Variants in TCF4 observed in about 807,000 individuals in gnomAD.
The protein encoded by TCF4 is SL3-3 enhancer factor 2.
In TCF4, 3 loss-of-function variants were observed where a neutral mutation model predicts 82.1. That is an observed-to-expected ratio of 0.04 (90% CI 0.02 to 0.09). TCF4 has a LOEUF of 0.09. Among genes scored for constraint, TCF4 ranks in the 10% least tolerant of loss-of-function variants. The pLI is 1.00. For missense variants in TCF4, 518 were observed against 852.7 expected (o/e 0.61, Z 4.89); for synonymous variants, 276 against 309.6 (o/e 0.89, Z 1.14).
chr18:55,243,641 C>CAGAA (rs1163852699), intron 15 of TCF4, among the ~76,000 whole-genome samples: 1 of 152,026 alleles, frequency 6.6e-6, no homozygotes, highest in East Asian at 1.9e-4. Flanking sequence ...GAGTACTAGG[C>CAGAA]AGTTTCCCCA....
intron 5 of TCF4, among the ~76,000 whole-genome samples, chr18:55,432,346 G>T (rs1330637590): frequency 6.6e-6 from 1 of 152,052 alleles, no homozygotes; most frequent in African/African-American, 2.4e-5. Context: ...CCTTTGCAGC[G>T]CTGAACAGAG....
intron 3 of TCF4, among the ~76,000 whole-genome samples, chr18:55,529,319 A>G (rs183052604): frequency 1.1e-3 from 169 of 152,342 alleles, no homozygotes; most frequent in African/African-American, 3.9e-3. Context: ...GGAAAGCTAC[A>G]GTTTAGATTT....
At chr18:55,432,499 C>T (rs1267620186) in intron 5 of TCF4, among the ~76,000 whole-genome samples, 1 of 152,076 alleles carries the variant, frequency 6.6e-6, no homozygotes, top group Non-Finnish European at 1.5e-5. Context: ...TTGTTATCTC[C>T]ATCCCACACA....
chr18:55,236,504 T>C (rs949661063), intron 15 of TCF4, among the ~76,000 whole-genome samples: 1 of 152,086 alleles, frequency 6.6e-6, no homozygotes, highest in Non-Finnish European at 1.5e-5. Flanking sequence ...ACACCACTCC[T>C]TTCCTCTGTG....
intron 8 of TCF4, among the ~76,000 whole-genome samples, chr18:55,295,496 CTG>C (rs2066262565): frequency 6.6e-6 from 1 of 152,198 alleles, no homozygotes; most frequent in African/African-American, 2.4e-5. Context: ...ACATCTGACA[CTG>C]TTGACAATTT....
At chr18:55,333,907 G>T (rs1217407609) in intron 8 of TCF4, among the ~76,000 whole-genome samples, 1 of 152,138 alleles carries the variant, frequency 6.6e-6, no homozygotes, top group Non-Finnish European at 1.5e-5. Flanking sequence ...ACTTTGCCCT[G>T]AGTTCACAAA....
intron 3 of TCF4, among the ~76,000 whole-genome samples, chr18:55,506,070 TG>T (rs1202267937): frequency 6.6e-6 from 1 of 152,162 alleles, no homozygotes; most frequent in African/African-American, 2.4e-5. Flanking sequence ...ATCTCTGAAA[TG>T]GAGTGAATTC....
intron 15 of TCF4, among the ~76,000 whole-genome samples, chr18:55,243,801 A>C (rs2052139122): frequency 6.6e-6 from 1 of 152,156 alleles, no homozygotes; most frequent in Non-Finnish European, 1.5e-5. Flanking sequence ...AACAGGTAAT[A>C]GACCAAACGG....
rs2046373293 is a variant in TCF4 at position 55,224,782 on chromosome 18, A to G, written c.*3253T>C. 2 of 152,602 alleles carry G rather than the reference A, an allele frequency of 1.3e-5. No individual in the cohort carries two copies. The highest frequency in any genetic ancestry group is 6.5e-5 in the Admixed American group (1 of 15,276). 9.5% of individuals were successfully genotyped at this position (152,602 alleles called of 1,614,324 possible). ...GCTACACAGAAGACAAATGGTAAAAATTTCTAGATGAACAGATCCCTATTC... is the reference window on the plus strand; with the variant it reads ...GCTACACAGAAGACAAATGGTAAAAGTTTCTAGATGAACAGATCCCTATTC... On this transcript the variant is annotated 3_prime_UTR_variant, in exon 20 of 20. Coordinates refer to ENST00000354452, the MANE Select transcript of TCF4 (RefSeq NM_001083962.2).
At chr18:55,488,668 G>A (rs2096543602) in intron 3 of TCF4, among the ~76,000 whole-genome samples, 1 of 152,158 alleles carries the variant, frequency 6.6e-6, no homozygotes, top group South Asian at 2.1e-4. Context: ...GGACAGGAAG[G>A]AGAAAGCAAA....
chr18:55,250,825 T>G (rs1286793939), intron 15 of TCF4, among the ~76,000 whole-genome samples: 1 of 152,206 alleles, frequency 6.6e-6, no homozygotes, highest in African/African-American at 2.4e-5. Context: ...CAGAGTCATA[T>G]CTATAAAAGA....
chr18:55,250,244 G>A (rs1172847168), intron 15 of TCF4, among the ~76,000 whole-genome samples: 1 of 152,186 alleles, frequency 6.6e-6, no homozygotes, highest in African/African-American at 2.4e-5. Context: ...GCGCAAACAT[G>A]TTGGTTTAAG....
At chr18:55,357,722 T>C (rs951423104) in intron 6 of TCF4, among the ~76,000 whole-genome samples, 2 of 152,168 alleles carry the variant, frequency 1.3e-5, no homozygotes, top group Non-Finnish European at 1.5e-5. Flanking sequence ...TGAGCAACGA[T>C]ATATGACAGC....
intron 15 of TCF4, among the ~76,000 whole-genome samples, chr18:55,238,920 T>G (rs747451663): frequency 7.2e-5 from 11 of 152,192 alleles, no homozygotes; most frequent in Non-Finnish European, 1.5e-4. Flanking sequence ...TGGGCCACCT[T>G]AATGACAGGC....
intron 8 of TCF4, among the ~76,000 whole-genome samples, chr18:55,310,486 A>C (rs1305371375): frequency 6.6e-6 from 1 of 152,144 alleles, no homozygotes; most frequent in East Asian, 1.9e-4. Context: ...CAGATGTAAG[A>C]CTCAGCCACC....
intron 15 of TCF4, among the ~76,000 whole-genome samples, chr18:55,247,592 C>G (rs2053673555): frequency 6.6e-6 from 1 of 152,196 alleles, no homozygotes; most frequent in Non-Finnish European, 1.5e-5. Flanking sequence ...CCCTAGTCCA[C>G]TTGATCCTTT....
chr18:55,628,549 T>C (rs2097728764), intron 2 of TCF4, among the ~76,000 whole-genome samples: 1 of 152,198 alleles, frequency 6.6e-6, no homozygotes, highest in Non-Finnish European at 1.5e-5. Context: ...TCTTTCATTA[T>C]ACACAGAAAA....
At chr18:55,379,219 G>A (rs765248001) in intron 6 of TCF4, among the ~76,000 whole-genome samples, 16 of 152,146 alleles carry the variant, frequency 1.1e-4, no homozygotes, top group Non-Finnish European at 1.8e-4. Context: ...AGCAGGGGTC[G>A]GGTAGGTGGA....
At chr18:55,343,806 T>C (rs1018703737) in intron 8 of TCF4, among the ~76,000 whole-genome samples, 2 of 152,122 alleles carry the variant, frequency 1.3e-5, no homozygotes, top group Admixed American at 6.6e-5. Flanking sequence ...CCACATTGTA[T>C]AAAAGCTCCT....
Sources: gnomAD v4.1 joint callset for allele counts (sites outside exome capture counted in the v4.1 genomes callset) on GRCh38, gnomAD v4.1.1 for gene constraint, MANE v1.5 for transcripts, NCBI Gene and HGNC (gene_info 2026-07-23, HGNC 2026-07-21) for gene names.